MALRD1: variants seen among roughly 807,000 people sequenced by gnomAD.
MALRD1 encodes the protein MAM and LDL-receptor class A domain-containing protein 1.
In MALRD1, 247 loss-of-function variants were observed where a neutral mutation model predicts 242.1. The ratio of observed to expected loss-of-function variants is 1.02; its 90% CI spans 0.92 to 1.13. The LOEUF (loss-of-function observed/expected upper bound fraction) is 1.13. MALRD1 is among the 50% of genes most tolerant of loss of function. MALRD1 has a pLI of 0.00. For missense variants in MALRD1, 2,989 were observed against 2,533.1 expected (o/e 1.18, Z -3.86); for synonymous variants, 995 against 866.6 (o/e 1.15, Z -2.60).
intron 26 of MALRD1, among the ~76,000 whole-genome samples, chr10:19,378,443 A>G (rs1845698742): frequency 6.6e-6 from 1 of 152,198 alleles, no homozygotes; most frequent in African/African-American, 2.4e-5. Context: ...GGAAAGAAGT[A>G]TTAATCTGCA....
chr10:19,249,827 G>A (rs1477322464), intron 18 of MALRD1, among the ~76,000 whole-genome samples: 1 of 151,858 alleles, frequency 6.6e-6, no homozygotes, highest in Non-Finnish European at 1.5e-5. Context: ...TAGAACAAAA[G>A]ACAAATATGG....
At chr10:19,349,668 G>C (rs1285619650) in intron 25 of MALRD1, among the ~76,000 whole-genome samples, 1 of 152,000 alleles carries the variant, frequency 6.6e-6, no homozygotes, top group Non-Finnish European at 1.5e-5. Flanking sequence ...AAGCACACCA[G>C]ATTTTCTCTA....
chr10:19,382,568 GT>G (rs1353024937), intron 26 of MALRD1, among the ~76,000 whole-genome samples: 1 of 152,096 alleles, frequency 6.6e-6, no homozygotes, highest in Non-Finnish European at 1.5e-5. Context: ...TCATGTTTGA[GT>G]TTATGTAATA....
chr10:19,577,000 G>T (rs1836864195), intron 33 of MALRD1, among the ~76,000 whole-genome samples: 1 of 135,488 alleles, frequency 7.4e-6, no homozygotes, highest in African/African-American at 2.7e-5. Flanking sequence ...AAGAATGAGT[G>T]ATCTTTAACT....
chr10:19,108,190 C>G (rs963786017), intron 5 of MALRD1, among the ~76,000 whole-genome samples: 1 of 151,898 alleles, frequency 6.6e-6, no homozygotes, highest in Non-Finnish European at 1.5e-5. Flanking sequence ...GTTTTTCATT[C>G]TTTCTTCTTT....
At chr10:19,443,185 T>C (rs1223162509) in intron 28 of MALRD1, among the ~76,000 whole-genome samples, 1 of 152,218 alleles carries the variant, frequency 6.6e-6, no homozygotes, top group East Asian at 1.9e-4. Flanking sequence ...CATTTTTTTA[T>C]TGCATCTATT....
At chr10:19,284,641 C>A (rs1157460956) in intron 21 of MALRD1, among the ~76,000 whole-genome samples, 1 of 145,954 alleles carries the variant, frequency 6.9e-6, no homozygotes, top group Non-Finnish European at 1.5e-5. Context: ...TTTCTTAATC[C>A]AGTCTATCAT....
rs565582657 is a variant in MALRD1 at position 19,551,422 on chromosome 10, A to G, written c.5479-16080A>G. Among the ~76,000 whole-genome samples, 11 of 152,300 alleles carry G rather than the reference A, an allele frequency of 7.2e-5. No homozygotes were observed. The South Asian group carries it at 1.9e-3, about 26-fold the overall frequency. Reference sequence around the variant, plus strand: ...CTTGGCTTGGCTGTTGCTGGTATATAGGAACGCTACTGATTTTTGTATGCT... The same window carrying G: ...CTTGGCTTGGCTGTTGCTGGTATATGGGAACGCTACTGATTTTTGTATGCT... On this transcript the variant is annotated intron_variant, in intron 32 of 39. Transcript: ENST00000454679.
chr10:19,269,572 C>G (rs1415257620), intron 19 of MALRD1, among the ~76,000 whole-genome samples: 1 of 152,236 alleles, frequency 6.6e-6, no homozygotes, highest in Non-Finnish European at 1.5e-5. Context: ...AAGAACCGGC[C>G]TGACCATGTT....
chr10:19,682,316 A>G (rs960928866), intron 36 of MALRD1, among the ~76,000 whole-genome samples: 12 of 152,204 alleles, frequency 7.9e-5, no homozygotes, highest in Non-Finnish European at 1.6e-4. Flanking sequence ...GTTAGTGAGT[A>G]ATGAATGGGT....
intron 29 of MALRD1, among the ~76,000 whole-genome samples, chr10:19,474,671 A>T (rs1359825694): frequency 6.6e-6 from 1 of 152,016 alleles, no homozygotes; most frequent in Non-Finnish European, 1.5e-5. Flanking sequence ...AATATAAAGT[A>T]TTATTTATGT....
intron 28 of MALRD1, among the ~76,000 whole-genome samples, chr10:19,436,924 TC>T (rs1377481148): frequency 5.9e-5 from 9 of 152,290 alleles, no homozygotes; most frequent in Middle Eastern, 3.4e-3. Flanking sequence ...TATTCAGTTA[TC>T]TTCCCATACT....
At chr10:19,659,169 C>G (rs1170563969) in intron 36 of MALRD1, among the ~76,000 whole-genome samples, 1 of 152,084 alleles carries the variant, frequency 6.6e-6, no homozygotes, top group Non-Finnish European at 1.5e-5. Context: ...GTTGCTTTAG[C>G]CTTTATACTT....
At chr10:19,519,501 C>G (rs1833784833) in intron 31 of MALRD1, among the ~76,000 whole-genome samples, 2 of 152,268 alleles carry the variant, frequency 1.3e-5, no homozygotes, top group South Asian at 4.1e-4. Flanking sequence ...GAGGCTTACA[C>G]CTGTAATCCT....
chr10:19,701,796 T>C (rs923105932), intron 38 of MALRD1, among the ~76,000 whole-genome samples: 6 of 142,766 alleles, frequency 4.2e-5, no homozygotes, highest in Admixed American at 2.8e-4. Context: ...TTTTCCTCCT[T>C]CTTCTTTTCT....
At chr10:19,518,022 T>G in intron 31 of MALRD1, among the ~76,000 whole-genome samples, 1 of 152,194 alleles carries the variant, frequency 6.6e-6, no homozygotes, top group East Asian at 1.9e-4. Flanking sequence ...TTGAGCAAGT[T>G]TTTATGAGCC....
intron 4 of MALRD1, 24 bp downstream of exon 4, chr10:19,088,209 T>C: frequency 8.1e-7 from 1 of 1,232,150 alleles, no homozygotes; most frequent in Non-Finnish European, 1.0e-6. Flanking sequence ...ATTTTCTAAC[T>C]ATGGCCTTGA....
chr10:19,287,418 T>C (rs1274666676), intron 21 of MALRD1, among the ~76,000 whole-genome samples: 1 of 152,118 alleles, frequency 6.6e-6, no homozygotes, highest in Non-Finnish European at 1.5e-5. Context: ...ACTGTGTATA[T>C]TTATACACAG....
At chr10:19,123,154 ACT>A (rs1173690445) in intron 5 of MALRD1, among the ~76,000 whole-genome samples, 3 of 151,966 alleles carry the variant, frequency 2.0e-5, no homozygotes, top group Non-Finnish European at 2.9e-5. Context: ...CAAATAGTAG[ACT>A]CTGAGTTCCA....
Sources: allele counts gnomAD v4.1 joint callset (sites outside exome capture counted in the v4.1 genomes callset), GRCh38; gene constraint gnomAD v4.1.1; transcripts MANE v1.5; gene names NCBI Gene and HGNC (gene_info 2026-07-23, HGNC 2026-07-21).